Variants in CLIC4 observed in about 807,000 individuals in gnomAD.
CLIC4 encodes the protein chloride intracellular channel protein 4.
CLIC4 carries 13 observed loss-of-function variants against 24.6 expected under a neutral mutation model. That is an observed-to-expected ratio of 0.53 (90% confidence interval 0.34 to 0.84). The LOEUF is 0.84. CLIC4 is among the 40% of genes least tolerant of loss of function. The pLI is 0.01. For synonymous variants in CLIC4, 104 were observed against 111.3 expected, an observed-to-expected ratio of 0.93 and a Z score of 0.41; for missense variants, 227 against 301.7, an observed-to-expected ratio of 0.75 and a Z score of 1.83.
chr1:24,800,460 C>T (rs1336887456), intron 2 of CLIC4, among the ~76,000 whole-genome samples: 2 of 149,280 alleles, frequency 1.3e-5, no homozygotes, highest in East Asian at 4.1e-4. Context: ...CAGCCCCCTG[C>T]CCGGCCAGCC....
intron 2 of CLIC4, among the ~76,000 whole-genome samples, chr1:24,809,910 A>G (rs1557809334): frequency 6.6e-6 from 1 of 152,230 alleles, no homozygotes; most frequent in East Asian, 1.9e-4. Context: ...TTGTTGTATT[A>G]CTTTTCTTGA....
chr1:24,784,389 G>A (rs1324382910), intron 1 of CLIC4, among the ~76,000 whole-genome samples: 1 of 152,144 alleles, frequency 6.6e-6, no homozygotes, highest in Non-Finnish European at 1.5e-5. Flanking sequence ...TGAGAGTCTG[G>A]CTCTAAATTA....
At chr1:24,799,799 C>T (rs868311357) in intron 2 of CLIC4, among the ~76,000 whole-genome samples, 825 of 77,780 alleles carry the variant, frequency 0.011, 18 homozygotes, top group African/African-American at 0.041. Flanking sequence ...AGGTGAGGGG[C>T]GCCTCTGCCC....
At chr1:24,790,073 T>A (rs1273129537) in intron 1 of CLIC4, among the ~76,000 whole-genome samples, 1 of 152,214 alleles carries the variant, frequency 6.6e-6, no homozygotes, top group African/African-American at 2.4e-5. Context: ...TATTTTTTTA[T>A]TTTTATTTTT....
intron 1 of CLIC4, among the ~76,000 whole-genome samples, chr1:24,754,035 G>A (rs1373601592): frequency 6.6e-6 from 1 of 152,132 alleles, no homozygotes; most frequent in Non-Finnish European, 1.5e-5. Context: ...GGTTTCCGGG[G>A]GGAAAATTCA....
At chr1:24,756,461 T>C (rs1425407598) in intron 1 of CLIC4, among the ~76,000 whole-genome samples, 2 of 152,136 alleles carry the variant, frequency 1.3e-5, no homozygotes, top group Non-Finnish European at 2.9e-5. Context: ...AAACTAGGAG[T>C]ATGACAGGTT....
chr1:24,792,334 G>T (rs926557929), intron 1 of CLIC4, among the ~76,000 whole-genome samples: 26 of 152,074 alleles, frequency 1.7e-4, no homozygotes, highest in African/African-American at 5.5e-4. Flanking sequence ...GGGACTATAG[G>T]AGAGTGCCAC....
At chr1:24,786,152 A>G (rs1639265141) in intron 1 of CLIC4, among the ~76,000 whole-genome samples, 1 of 152,180 alleles carries the variant, frequency 6.6e-6, no homozygotes, top group East Asian at 1.9e-4. Flanking sequence ...TTCAGATCCT[A>G]ACTTCTCTCT....
intron 1 of CLIC4, among the ~76,000 whole-genome samples, chr1:24,790,242 T>G (rs951472938): frequency 1.3e-5 from 2 of 152,110 alleles, no homozygotes; most frequent in Non-Finnish European, 2.9e-5. Flanking sequence ...CGGCTGATTT[T>G]TGTATTTTTG....
chr1:24,797,309 C>T (rs984426142), intron 1 of CLIC4, among the ~76,000 whole-genome samples: 5 of 151,686 alleles, frequency 3.3e-5, no homozygotes, highest in Non-Finnish European at 7.4e-5. Flanking sequence ...TGCAGTGGCT[C>T]ATGCCTGTAA....
At chr1:24,770,722 AATT>A (rs1639060857) in intron 1 of CLIC4, among the ~76,000 whole-genome samples, 1 of 91,854 alleles carries the variant, frequency 1.1e-5, no homozygotes. Flanking sequence ...TCCTCACACC[AATT>A]CTTCTTCTTT....
chr1:24,777,605 G>A (rs1268249475), intron 1 of CLIC4, among the ~76,000 whole-genome samples: 1 of 152,148 alleles, frequency 6.6e-6, no homozygotes, highest in African/African-American at 2.4e-5. Context: ...TTTAGTATCT[G>A]GTCTTGGTGA....
At chr1:24,763,756 A>T (rs1571232490) in intron 1 of CLIC4, among the ~76,000 whole-genome samples, 1 of 152,110 alleles carries the variant, frequency 6.6e-6, no homozygotes, top group African/African-American at 2.4e-5. Context: ...TTTAAACTCC[A>T]TAATCCTGTA....
rs1571271934 is a variant in CLIC4, at chr1:24,843,169, ATT to A, written c.*2236_*2237del. The stretch of plus-strand genomic sequence containing the variant: ...TTGTGATTTTGATGAAGACAGAATT[ATT>A]TTTCTCTGTAGAAACACAGATACCA... On this transcript the variant is annotated 3_prime_UTR_variant, in exon 6 of 6. Transcript: ENST00000374379. 1 of 152,180 alleles carries A rather than the reference ATT, an allele frequency of 6.6e-6. No homozygotes were observed. Among genetic ancestry groups the A allele is most frequent in the East Asian group, 1.9e-4 (1 of 5,206 alleles). The allele number at this position is 152,180 out of a possible 1,614,324, so 9.4% of individuals were successfully genotyped here.
intron 1 of CLIC4, among the ~76,000 whole-genome samples, chr1:24,755,486 CT>C (rs1638835459): frequency 6.6e-6 from 1 of 150,962 alleles, no homozygotes; most frequent in Non-Finnish European, 1.5e-5. Context: ...TGGTGAGTGC[CT>C]CTAGACCTAG....
chr1:24,820,267 CTTTTTTTTTTTT>C (rs372726009), intron 3 of CLIC4, among the ~76,000 whole-genome samples: 5 of 49,762 alleles, frequency 1.0e-4, no homozygotes, highest in African/African-American at 4.5e-4. Context: ...CCTTTTTGGT[CTTTTTTTTTTTT>C]TTTTTTTTTT....
At chr1:24,782,072 T>C (rs1464584620) in intron 1 of CLIC4, among the ~76,000 whole-genome samples, 1 of 152,212 alleles carries the variant, frequency 6.6e-6, no homozygotes, top group Non-Finnish European at 1.5e-5. Flanking sequence ...ACAGATAACC[T>C]TTGAAAACTA....
intron 2 of CLIC4, among the ~76,000 whole-genome samples, chr1:24,804,454 G>T (rs1210438558): frequency 8.3e-6 from 1 of 120,486 alleles, no homozygotes; most frequent in Non-Finnish European, 1.8e-5. Context: ...ATGTGTGGGT[G>T]GGTGGGTGGT....
Position 24,840,854 on chromosome 1 carries a change from A to G in CLIC4, c.679A>G (p.Arg227Gly). 1 of 1,613,132 alleles carries G rather than the reference A, an allele frequency of 6.2e-7. No homozygotes were observed. The highest frequency in any genetic ancestry group is 8.5e-7 in the Non-Finnish European group (1 of 1,179,440). Residue 227 changes from arginine to glycine, a missense_variant, in exon 6 of 6, where the codon AGG (arginine) becomes GGG (glycine). By Grantham distance (125) the Arg-to-Gly change is moderately radical. Coordinates refer to ENST00000374379, the MANE Select transcript of CLIC4 (RefSeq NM_013943.3). ...GAGATACCTAACTAATGCATACAGT[A>G]GGGACGAGTTCACCAATACCTGTCC... ...IWRYLTNAYS[R>G]DEFTNTCPSD...
Sources: gnomAD v4.1 joint callset for allele counts (sites outside exome capture counted in the v4.1 genomes callset) on GRCh38, gnomAD v4.1.1 for gene constraint, MANE v1.5 for transcripts, NCBI Gene and HGNC (gene_info 2026-07-23, HGNC 2026-07-21) for gene names.